C12orf54: variants seen among roughly 807,000 people sequenced by gnomAD.
The protein encoded by C12orf54 is chromosome 12 open reading frame 54.
In C12orf54, 24 loss-of-function variants were observed where a neutral mutation model predicts 26.4. The ratio of observed to expected loss-of-function variants is 0.91; its 90% confidence interval spans 0.66 to 1.28. The LOEUF is 1.28. C12orf54 is among the 50% of genes most tolerant of loss of function. C12orf54 has a pLI of 0.00. For synonymous variants in C12orf54, 54 were observed against 47.0 expected (o/e 1.15, Z -0.61); for missense variants, 154 against 150.9 (o/e 1.02, Z -0.11).
the C12orf54 span, among the ~76,000 whole-genome samples, chr12:48,462,214 A>C: frequency 2.0e-5 from 3 of 151,704 alleles, no homozygotes; most frequent in African/African-American, 7.2e-5. Flanking sequence ...GATAACTTGA[A>C]TAGCCCTATT....
chr12:48,466,605 C>T, the C12orf54 span, among the ~76,000 whole-genome samples: 32 of 151,182 alleles, frequency 2.1e-4, no homozygotes, highest in East Asian at 5.8e-4. Flanking sequence ...TTCGTTATTG[C>T]GGAAATGCAA....
chr12:48,455,310 G>A, the C12orf54 span, among the ~76,000 whole-genome samples: 4 of 152,176 alleles, frequency 2.6e-5, no homozygotes, highest in Non-Finnish European at 5.9e-5. Context: ...GTATTCTATG[G>A]TGTATATATA....
chr12:48,465,809 G>A, the C12orf54 span, among the ~76,000 whole-genome samples: 771 of 152,188 alleles, frequency 5.1e-3, 7 homozygotes, highest in African/African-American at 0.017. Context: ...AACTAACACA[G>A]GAACAGAAAA....
the C12orf54 span, among the ~76,000 whole-genome samples, chr12:48,423,824 C>CT: frequency 1.3e-5 from 2 of 151,856 alleles, no homozygotes; most frequent in Non-Finnish European, 2.9e-5. Context: ...TTCAATCTAT[C>CT]TTTTTTTTCT....
the C12orf54 span, among the ~76,000 whole-genome samples, chr12:48,454,964 C>A: frequency 6.6e-6 from 1 of 152,166 alleles, no homozygotes; most frequent in Non-Finnish European, 1.5e-5. Context: ...GTTTTTCCTT[C>A]CAACTTTTAG....
chr12:48,489,360 T>C (rs1025518822), intron 5 of C12orf54: 4 of 321,200 alleles, frequency 1.2e-5, no homozygotes, highest in Admixed American at 7.7e-5. Context: ...CTTGGGTAAA[T>C]AGAAATAAAA....
At chr12:48,453,262 T>A in the C12orf54 span, among the ~76,000 whole-genome samples, 1 of 151,992 alleles carries the variant, frequency 6.6e-6, no homozygotes, top group Non-Finnish European at 1.5e-5. Context: ...CCACATGTTC[T>A]CACTTATAAG....
chr12:48,447,212 C>CTGTGTGTATGTGTGTGTGTGTGTG, the C12orf54 span, among the ~76,000 whole-genome samples: 1 of 90,972 alleles, frequency 1.1e-5, no homozygotes, highest in African/African-American at 3.2e-5. Flanking sequence ...CTCTCTTACT[C>CTGTGTGTATGTGTGTGTGTGTGTG]TGTGTGTGTG....
chr12:48,435,064 A>G, the C12orf54 span, among the ~76,000 whole-genome samples: 3 of 152,350 alleles, frequency 2.0e-5, no homozygotes, highest in East Asian at 5.8e-4. Context: ...AGAAATCCTT[A>G]AAGGACCTGA....
the C12orf54 span, chr12:48,473,265 G>T: frequency 1.3e-4 from 136 of 1,075,678 alleles, 3 homozygotes; most frequent in South Asian, 1.8e-3. Context: ...ACGTGAAGAG[G>T]AGGACGTGAG....
At chr12:48,447,212 C>CTGTA in the C12orf54 span, among the ~76,000 whole-genome samples, 2 of 91,072 alleles carry the variant, frequency 2.2e-5, no homozygotes, top group Admixed American at 9.7e-5. Flanking sequence ...CTCTCTTACT[C>CTGTA]TGTGTGTGTG....
At chr12:48,444,720 A>C in the C12orf54 span, among the ~76,000 whole-genome samples, 1 of 152,200 alleles carries the variant, frequency 6.6e-6, no homozygotes, top group South Asian at 2.1e-4. Flanking sequence ...CAGCTCTGAG[A>C]ATGCTACCAC....
the C12orf54 span, among the ~76,000 whole-genome samples, chr12:48,449,608 GTTAAGAAAGTTCC>G: frequency 6.6e-6 from 1 of 152,264 alleles, no homozygotes; most frequent in East Asian, 1.9e-4. Flanking sequence ...ACTCTACCAT[GTTAAGAAAGTTCC>G]TTACTATTTC....
chr12:48,420,120 T>C, the C12orf54 span, among the ~76,000 whole-genome samples: 2 of 152,142 alleles, frequency 1.3e-5, no homozygotes, highest in African/African-American at 2.4e-5. Flanking sequence ...TTCTAAATAT[T>C]ACCCCAAGAA....
chr12:48,489,948 C>A (rs572412900), intron 5 of C12orf54, among the ~76,000 whole-genome samples: 1 of 152,040 alleles, frequency 6.6e-6, no homozygotes, highest in Non-Finnish European at 1.5e-5. Flanking sequence ...TCTTGAACTC[C>A]TGACCTCAGG....
chr12:48,418,226 G>A, the C12orf54 span, among the ~76,000 whole-genome samples: 1 of 152,172 alleles, frequency 6.6e-6, no homozygotes, highest in Admixed American at 6.5e-5. Flanking sequence ...GTATAAAATG[G>A]TACAGGGAAG....
the C12orf54 span, among the ~76,000 whole-genome samples, chr12:48,467,904 G>A: frequency 6.6e-6 from 1 of 152,072 alleles, no homozygotes; most frequent in Non-Finnish European, 1.5e-5. Flanking sequence ...CAGCAGAGGG[G>A]TGCCTCTCCT....
At chr12:48,460,890 G>A in the C12orf54 span, among the ~76,000 whole-genome samples, 1 of 151,860 alleles carries the variant, frequency 6.6e-6, no homozygotes, top group African/African-American at 2.4e-5. Flanking sequence ...GAATAGCTAA[G>A]ACAAATAGAA....
the C12orf54 span, among the ~76,000 whole-genome samples, chr12:48,448,769 G>A: frequency 6.6e-6 from 1 of 152,192 alleles, no homozygotes; most frequent in Non-Finnish European, 1.5e-5. Context: ...TTGATGAAGA[G>A]TCTAACTCTG....
Sources: gnomAD v4.1 joint callset for allele counts (sites outside exome capture counted in the v4.1 genomes callset) on GRCh38, gnomAD v4.1.1 for gene constraint, MANE v1.5 for transcripts, NCBI Gene and HGNC (gene_info 2026-07-23, HGNC 2026-07-21) for gene names.